PRH1: variants seen among roughly 807,000 people sequenced by gnomAD.
The protein encoded by PRH1 is salivary acidic proline-rich phosphoprotein 1/2.
In PRH1, 7 loss-of-function variants were observed where a neutral mutation model predicts 7.9. The ratio of observed to expected loss-of-function variants is 0.89; its 90% CI spans 0.50 to 1.67. The LOEUF (loss-of-function observed/expected upper bound fraction) is 1.67, where lower values mean the gene tolerates loss of function less well. Ranked by LOEUF, PRH1 falls within the 40% of genes most tolerant of loss-of-function variation. PRH1 has a pLI of 0.00. For synonymous variants in PRH1, 45 were observed against 80.8 expected, an observed-to-expected ratio of 0.56 and a Z score of 2.38; for missense variants, 109 against 223.6, an observed-to-expected ratio of 0.49 and a Z score of 3.27.
chr12:11,061,927 CTCTTT>C (rs1255953406), intron 1 of PRH1: 1 of 1,613,946 alleles, frequency 6.2e-7, no homozygotes, highest in African/African-American at 1.3e-5. Context: ...CTTAACTCTC[CTCTTT>C]AAGTGAAGAA....
chr12:11,046,525 C>T (rs73260724), intron 1 of PRH1, among the ~76,000 whole-genome samples: 2,963 of 152,154 alleles, frequency 0.019, 94 homozygotes, highest in African/African-American at 0.068. Flanking sequence ...TTTCTTCTGA[C>T]GTTTTAGTCC....
intron 1 of PRH1, chr12:11,091,636 T>A (rs750251999): frequency 8.1e-7 from 1 of 1,237,180 alleles, no homozygotes; most frequent in East Asian, 2.3e-5. Context: ...AAGAACAGAT[T>A]AACAGCATAA....
intron 1 of PRH1, among the ~76,000 whole-genome samples, chr12:11,053,970 T>A (rs1299363405): frequency 1.3e-5 from 2 of 152,086 alleles, no homozygotes; most frequent in Non-Finnish European, 2.9e-5. Context: ...ACAGGTGCTG[T>A]CCATCACATC....
chr12:11,135,121 ATATT>A (rs1169740519), intron 1 of PRH1, among the ~76,000 whole-genome samples: 8 of 152,070 alleles, frequency 5.3e-5, no homozygotes, highest in Admixed American at 4.6e-4. Context: ...TAATATTTAA[ATATT>A]TATTATTTAA....
chr12:10,992,548 T>C (rs1033924163), intron 1 of PRH1, among the ~76,000 whole-genome samples: 2 of 152,090 alleles, frequency 1.3e-5, no homozygotes, highest in East Asian at 3.9e-4. Flanking sequence ...ACTTCCTGGG[T>C]AGTTGGAACT....
At chr12:10,983,301 G>A (rs1164466209) in intron 1 of PRH1, among the ~76,000 whole-genome samples, 1 of 152,184 alleles carries the variant, frequency 6.6e-6, no homozygotes, top group Non-Finnish European at 1.5e-5. Flanking sequence ...GCACTTCTAA[G>A]CACAAGACCC....
At chr12:10,971,972 T>A (rs553452035) in intron 2 of PRH1, among the ~76,000 whole-genome samples, 2 of 152,280 alleles carry the variant, frequency 1.3e-5, no homozygotes, top group South Asian at 4.1e-4. Flanking sequence ...AGTTTCAAAT[T>A]CTCATTTGAT....
At chr12:10,995,952 C>T (rs1940204176) in intron 1 of PRH1, among the ~76,000 whole-genome samples, 3 of 151,922 alleles carry the variant, frequency 2.0e-5, no homozygotes, top group South Asian at 2.1e-4. Flanking sequence ...TAAAAATGTA[C>T]ACTAGATATA....
At chr12:11,156,707 G>C (rs993825237) in intron 1 of PRH1, among the ~76,000 whole-genome samples, 1 of 151,894 alleles carries the variant, frequency 6.6e-6, no homozygotes, top group African/African-American at 2.4e-5. Flanking sequence ...CTCTATTTCT[G>C]TAAGTTATTT....
At chr12:11,057,912 T>C (rs745930671) in intron 1 of PRH1, among the ~76,000 whole-genome samples, 1 of 152,264 alleles carries the variant, frequency 6.6e-6, no homozygotes, top group Non-Finnish European at 1.5e-5. Flanking sequence ...GTTCTCTGTT[T>C]AATTTACATT....
intron 1 of PRH1, among the ~76,000 whole-genome samples, chr12:11,052,582 G>A (rs548035876): frequency 1.3e-5 from 2 of 152,124 alleles, no homozygotes; most frequent in East Asian, 1.9e-4. Flanking sequence ...CATTTCTCTC[G>A]CTCTGTTTTC....
chr12:11,002,629 T>C (rs1370936887), intron 1 of PRH1, among the ~76,000 whole-genome samples: 4 of 152,122 alleles, frequency 2.6e-5, no homozygotes, highest in African/African-American at 9.6e-5. Context: ...CAAAATTCTC[T>C]CAACTGCTTA....
intron 1 of PRH1, among the ~76,000 whole-genome samples, chr12:11,058,601 A>G (rs1943461953): frequency 6.6e-6 from 1 of 152,300 alleles, no homozygotes; most frequent in African/African-American, 2.4e-5. Flanking sequence ...GCCCAGAACA[A>G]AAGAGGGCTC....
intron 2 of PRH1, among the ~76,000 whole-genome samples, chr12:10,959,942 G>C (rs188496669): frequency 4.6e-5 from 7 of 152,270 alleles, no homozygotes; most frequent in Non-Finnish European, 1.0e-4. Context: ...GAGGTGCCCA[G>C]TGAACAACAA....
chr12:10,912,536 G>C (rs1235638093), intron 2 of PRH1, among the ~76,000 whole-genome samples: 1 of 151,684 alleles, frequency 6.6e-6, no homozygotes, highest in Non-Finnish European at 1.5e-5. Context: ...TGTCTTGGTC[G>C]ATCTTTTCAG....
intron 1 of PRH1, among the ~76,000 whole-genome samples, chr12:11,057,491 T>G (rs892555754): frequency 2.0e-5 from 3 of 151,616 alleles, no homozygotes; most frequent in African/African-American, 7.3e-5. Flanking sequence ...CAGGACCAAG[T>G]TGAAGCCTCT....
intron 1 of PRH1, chr12:11,061,621 A>G (rs1943607075): frequency 1.2e-6 from 2 of 1,614,096 alleles, no homozygotes; most frequent in East Asian, 2.2e-5. Flanking sequence ...CAAAGCTTTT[A>G]TGTGGACCTT....
intron 2 of PRH1, among the ~76,000 whole-genome samples, chr12:10,933,083 G>A (rs909991363): frequency 8.5e-5 from 13 of 152,116 alleles, no homozygotes; most frequent in Admixed American, 6.5e-5. Flanking sequence ...GCAAAAGATT[G>A]TGAAAATTCT....
At chr12:11,069,013 C>A (rs1943946683) in intron 1 of PRH1, among the ~76,000 whole-genome samples, 1 of 151,786 alleles carries the variant, frequency 6.6e-6, no homozygotes, top group Admixed American at 6.6e-5. Flanking sequence ...CAGCTCCCAG[C>A]CTCAAGCTAT....
Sources: gnomAD v4.1 joint callset for allele counts (sites outside exome capture counted in the v4.1 genomes callset) on GRCh38, gnomAD v4.1.1 for gene constraint, MANE v1.5 for transcripts, NCBI Gene and HGNC (gene_info 2026-07-23, HGNC 2026-07-21) for gene names.